The following SLC7A11 variants were observed in gnomAD, a reference collection of about 807,000 sequenced individuals.
SLC7A11 encodes the protein solute carrier family 7 member 11.
A neutral mutation model predicts 54.5 loss-of-function variants in SLC7A11; 35 were observed. The ratio of observed to expected loss-of-function variants is 0.64; its 90% CI spans 0.49 to 0.85. The LOEUF is 0.85. SLC7A11 is among the 40% of genes least tolerant of loss of function. The pLI is 0.00. For missense variants in SLC7A11, 583 were observed against 618.1 expected (o/e 0.94, Z 0.60); for synonymous variants, 230 against 225.2 (o/e 1.02, Z -0.19).
intron 4 of SLC7A11, among the ~76,000 whole-genome samples, chr4:138,220,132 G>T (rs1376309148): frequency 1.3e-5 from 2 of 151,988 alleles, no homozygotes; most frequent in Non-Finnish European, 2.9e-5. Context: ...TAGAGATGGG[G>T]TTTCACCATG....
rs760349352 is a variant in SLC7A11, at chr4:138,171,937, A to G, written c.*19T>C. The G allele has an allele frequency of 1.9e-6, 3 of 1,577,622 alleles. No individual in the cohort carries two copies. Among genetic ancestry groups the G allele is most frequent in the South Asian group, 1.2e-5 (1 of 83,166 alleles). Reference sequence around the variant, plus strand: ...GTGTCTCCCCTTGGGCAGATTGCCAAGATCTCAAGTCCATTAGTTCATAAC... The same window carrying G: ...GTGTCTCCCCTTGGGCAGATTGCCAGGATCTCAAGTCCATTAGTTCATAAC... On this transcript the variant is annotated 3_prime_UTR_variant, in exon 12 of 12. Coordinates refer to ENST00000280612, the MANE Select transcript of SLC7A11 (RefSeq NM_014331.4).
At chr4:138,226,314 A>T (rs980246684) in intron 3 of SLC7A11, among the ~76,000 whole-genome samples, 6 of 152,182 alleles carry the variant, frequency 3.9e-5, no homozygotes, top group Non-Finnish European at 8.8e-5. Context: ...GATTGTGGTG[A>T]TAGTTTCACA....
intron 6 of SLC7A11, among the ~76,000 whole-genome samples, chr4:138,201,134 A>G (rs1236995586): frequency 1.3e-5 from 2 of 152,078 alleles, no homozygotes; most frequent in African/African-American, 2.4e-5. Flanking sequence ...CTATTCTTTA[A>G]TATCTCATTT....
At position 138,185,165 on chromosome 4, in the gene SLC7A11, T is replaced by C. The variant is rs754350717; in HGVS notation, c.871A>G (p.Thr291Ala). 7 of 1,613,004 alleles carry C rather than the reference T, an allele frequency of 4.3e-6. No homozygotes were observed. Among genetic ancestry groups the C allele is most frequent in the Non-Finnish European group, 5.9e-6 (7 of 1,179,254 alleles). ...AGCAGCAGCTCCTCAGCATTAATGGTCGTAAAGTAGGCCACATTTGTCAGC... is the reference window on the plus strand; with the variant it reads ...AGCAGCAGCTCCTCAGCATTAATGGCCGTAAAGTAGGCCACATTTGTCAGC... ...YVLTNVAYFTTINAEELLLSN... is the reference protein window; with the variant it reads ...YVLTNVAYFTAINAEELLLSN... The change falls in exon 7 of 12, where the codon ACC becomes GCC. Residue 291 changes from threonine to alanine, a missense_variant. Coordinates refer to ENST00000280612, the MANE Select transcript of SLC7A11 (RefSeq NM_014331.4).
At chr4:138,189,256 T>G (rs1376743318) in intron 6 of SLC7A11, among the ~76,000 whole-genome samples, 1 of 152,142 alleles carries the variant, frequency 6.6e-6, no homozygotes, top group African/African-American at 2.4e-5. Flanking sequence ...CAAATACATC[T>G]TATTTTATCT....
chr4:138,232,822 C>G (rs2148453601), intron 2 of SLC7A11, among the ~76,000 whole-genome samples: 1 of 152,260 alleles, frequency 6.6e-6, no homozygotes, highest in South Asian at 2.1e-4. Context: ...AACACTCAAC[C>G]TAAAAAATTA....
At chr4:138,237,451 G>A (rs774035056) in intron 1 of SLC7A11, among the ~76,000 whole-genome samples, 9 of 150,098 alleles carry the variant, frequency 6.0e-5, no homozygotes, top group Admixed American at 6.7e-5. Flanking sequence ...CCAGGCTGGA[G>A]TGCAATGGCG....
At chr4:138,198,892 T>A (rs4346696) in intron 6 of SLC7A11, among the ~76,000 whole-genome samples, 61,860 of 151,686 alleles carry the variant, frequency 0.41, 13,488 homozygotes, top group Middle Eastern at 0.6. Context: ...AACATCTAGG[T>A]GATATACGAA....
chr4:138,237,209 A>G (rs11100861), intron 1 of SLC7A11, among the ~76,000 whole-genome samples: 143,743 of 151,674 alleles, frequency 0.95, 68,487 homozygotes, highest in East Asian at 1. Context: ...GGATGGTCTC[A>G]ATCTCCTGAC....
intron 3 of SLC7A11, among the ~76,000 whole-genome samples, chr4:138,230,319 C>A (rs1057143534): frequency 2.0e-5 from 3 of 151,386 alleles, no homozygotes; most frequent in African/African-American, 4.9e-5. Context: ...GGTTTAGTAC[C>A]TGGGTGATGA....
intron 1 of SLC7A11, among the ~76,000 whole-genome samples, chr4:138,237,738 T>TATATATATATA (rs1276520668): frequency 3.0e-3 from 20 of 6,764 alleles, no homozygotes; most frequent in African/African-American, 4.7e-3. Context: ...TATATATATA[T>TATATATATATA]TTTTTTTTTT....
At chr4:138,173,764 CT>C (rs1736496951) in intron 11 of SLC7A11, among the ~76,000 whole-genome samples, 1 of 151,986 alleles carries the variant, frequency 6.6e-6, no homozygotes, top group South Asian at 2.1e-4. Context: ...ATTATAAACT[CT>C]GAGTGTTTCC....
chr4:138,236,319 T>A lies in SLC7A11; in HGVS notation c.404+6A>T. 6.2e-7 allele frequency: 1 copy of A among 1,602,314 alleles called. No individual in the cohort carries two copies. The highest frequency in any genetic ancestry group is 8.5e-7 in the Non-Finnish European group (1 of 1,176,532). On this transcript the variant is annotated splice_donor_region_variant and intron_variant, in intron 2 of 11. Transcript: ENST00000280612. ...TTTTTCTTAATTCTTTCTACTATGC[T>A]CTTACCGTATTATGAGGAGTTCCAC...
At chr4:138,230,032 T>C (rs1738036083) in intron 3 of SLC7A11, among the ~76,000 whole-genome samples, 1 of 152,190 alleles carries the variant, frequency 6.6e-6, no homozygotes, top group African/African-American at 2.4e-5. Flanking sequence ...AGTGGAACAG[T>C]GGACTTATCA....
intron 4 of SLC7A11, among the ~76,000 whole-genome samples, chr4:138,220,690 A>C (rs1737789890): frequency 2.0e-5 from 3 of 152,216 alleles, no homozygotes; most frequent in Admixed American, 1.3e-4. Flanking sequence ...TATTACCCAA[A>C]GAAAATAGCA....
chr4:138,199,110 A>G (rs540911938), intron 6 of SLC7A11, among the ~76,000 whole-genome samples: 1 of 152,264 alleles, frequency 6.6e-6, no homozygotes, highest in South Asian at 2.1e-4. Flanking sequence ...TAAATACATT[A>G]TATAACACCA....
chr4:138,239,162 A>G (rs1738317956), intron 1 of SLC7A11, among the ~76,000 whole-genome samples: 1 of 152,182 alleles, frequency 6.6e-6, no homozygotes, highest in Non-Finnish European at 1.5e-5. Context: ...AAAGGATCCA[A>G]TATAAAATGT....
intron 6 of SLC7A11, among the ~76,000 whole-genome samples, chr4:138,199,546 G>C (rs1261253372): frequency 3.3e-5 from 5 of 152,096 alleles, no homozygotes; most frequent in Admixed American, 3.3e-4. Context: ...TACTGAAACA[G>C]GATAATCAGG....
intron 1 of SLC7A11, among the ~76,000 whole-genome samples, chr4:138,240,314 C>G (rs1738345360): frequency 6.6e-6 from 1 of 151,968 alleles, no homozygotes; most frequent in Admixed American, 6.6e-5. Context: ...TATCTGTAAT[C>G]CCAGCACTTT....
Sources: allele counts gnomAD v4.1 joint callset (sites outside exome capture counted in the v4.1 genomes callset), GRCh38; gene constraint gnomAD v4.1.1; transcripts MANE v1.5; gene names NCBI Gene and HGNC (gene_info 2026-07-23, HGNC 2026-07-21).